TRIM37: variants seen among roughly 807,000 people sequenced by gnomAD.
TRIM37 encodes the protein tripartite motif containing 37, also known as E3 ubiquitin-protein ligase TRIM37.
A neutral mutation model predicts 129.8 loss-of-function variants in TRIM37; 80 were observed. The observed-to-expected ratio is 0.62, with a 90% CI of 0.51 to 0.74. The LOEUF (loss-of-function observed/expected upper bound fraction) is 0.74, where lower values mean the gene tolerates loss of function less well. TRIM37 is among the 30% of genes least tolerant of loss of function. The probability of loss-of-function intolerance (pLI) is 0.00; values close to 1 mark genes in which losing one functional copy is unlikely to be tolerated. For missense variants in TRIM37, 1,054 were observed against 1,176.5 expected, an observed-to-expected ratio of 0.90 and a Z score of 1.52; for synonymous variants, 389 against 387.1, an observed-to-expected ratio of 1.00 and a Z score of -0.06.
At chr17:58,988,826 A>G in intron 24 of TRIM37, among the ~76,000 whole-genome samples, 1 of 152,194 alleles carries the variant, frequency 6.6e-6, no homozygotes. Context: ...ACTAAGGATA[A>G]TCATAGCAAA....
chr17:58,970,439 A>G, the TRIM37 span, among the ~76,000 whole-genome samples: 1 of 152,178 alleles, frequency 6.6e-6, no homozygotes, highest in Non-Finnish European at 1.5e-5. Flanking sequence ...GAATAAAAGA[A>G]TTTTTAATTT....
chr17:59,064,283 T>G, intron 10 of TRIM37, 72 bp downstream of exon 10: 1 of 1,186,888 alleles, frequency 8.4e-7, no homozygotes, highest in Non-Finnish European at 1.2e-6. Context: ...ATTACTGTCT[T>G]ACCAAAGAAT....
chr17:59,047,258 T>C (rs1276063242), intron 16 of TRIM37, among the ~76,000 whole-genome samples: 2 of 152,240 alleles, frequency 1.3e-5, no homozygotes, highest in African/African-American at 4.8e-5. Flanking sequence ...GGCAAATTTT[T>C]AGAAGGTTAC....
At chr17:59,052,362 G>T (rs2040429747) in intron 13 of TRIM37, among the ~76,000 whole-genome samples, 2 of 152,136 alleles carry the variant, frequency 1.3e-5, no homozygotes, top group African/African-American at 4.8e-5. Context: ...GACTAATTTG[G>T]ACATCTACAT....
At chr17:58,979,334 C>A (rs2031226920), downstream of TRIM37, among the ~76,000 whole-genome samples, 1 of 152,188 alleles carries the variant, frequency 6.6e-6, no homozygotes, top group South Asian at 2.1e-4. Context: ...GGTTGGGAAT[C>A]AAGAAAACTG....
intron 16 of TRIM37, among the ~76,000 whole-genome samples, chr17:59,047,083 G>A (rs1231149102): frequency 6.6e-6 from 1 of 151,638 alleles, no homozygotes; most frequent in Non-Finnish European, 1.5e-5. Flanking sequence ...AATCCGGAAG[G>A]TGGAGCTTGC....
At chr17:59,058,687 G>A (rs985829215) in intron 12 of TRIM37, among the ~76,000 whole-genome samples, 4 of 151,848 alleles carry the variant, frequency 2.6e-5, no homozygotes, top group Non-Finnish European at 5.9e-5. Context: ...GCGAAACCCC[G>A]TCTCCATAAA....
chr17:58,999,484 A>T, intron 23 of TRIM37, 25 bp from the exon 24 acceptor site: 4 of 1,562,714 alleles, frequency 2.6e-6, no homozygotes, highest in Non-Finnish European at 2.6e-6. Context: ...TAAATAAAAA[A>T]TTTAAAATTT....
chr17:58,998,659 A>G lies in TRIM37; in HGVS notation c.*718T>C. 1.0e-6 allele frequency: 1 copy of G among 985,404 alleles called. No homozygotes were observed. The allele number at this position is 985,404 out of a possible 1,614,324, so 61.0% of individuals were successfully genotyped here. On this transcript the variant is annotated 3_prime_UTR_variant, in exon 24 of 24. Coordinates refer to ENST00000262294, the MANE Select transcript of TRIM37 (RefSeq NM_015294.6). ...AGTCGTATAGTAAGAGGCAGAAAAA[A>G]ATGAAAGAATTTTAAATAATCTTAC...
the TRIM37 span, among the ~76,000 whole-genome samples, chr17:58,970,277 G>T: frequency 1.3e-5 from 2 of 152,134 alleles, no homozygotes; most frequent in African/African-American, 4.8e-5. Context: ...CCTACATTGC[G>T]AAGGTTAATC....
Position 58,998,814 on chromosome 17 carries a change from G to C in TRIM37, c.*563C>G. ...AGTGTGCCTGTACTTGAACAAGTGA[G>C]AGAAGATACATACTCCAAAAAGGAG... On this transcript the variant is annotated 3_prime_UTR_variant, in exon 24 of 24. Coordinates refer to ENST00000262294, the MANE Select transcript of TRIM37 (RefSeq NM_015294.6). 1.0e-6 allele frequency: 1 copy of C among 989,458 alleles called. No homozygotes were observed. Among genetic ancestry groups the C allele is most frequent in the Non-Finnish European group, 1.2e-6 (1 of 832,302 alleles). 61.3% of individuals were successfully genotyped at this position (989,458 alleles called of 1,614,324 possible).
chr17:59,051,291 G>A lies in TRIM37; in HGVS notation c.1237C>T (p.Arg413Trp), dbSNP rs765167330. 3 of 1,613,640 alleles carry A rather than the reference G, an allele frequency of 1.9e-6. No homozygotes were observed. Among genetic ancestry groups the A allele is most frequent in the Non-Finnish European group, 1.7e-6 (2 of 1,179,818 alleles). The change falls in exon 14 of 24, where the codon CGG (arginine) becomes TGG (tryptophan). Residue 413 changes from arginine to tryptophan, a missense_variant. Around this residue, in one of 3 missense-constraint regions of TRIM37, gnomAD observed 752 missense variants for 870.8 expected, o/e 0.86. Coordinates refer to ENST00000262294, the MANE Select transcript of TRIM37 (RefSeq NM_015294.6). ...TGAGTAATGTACCAATGCTGGTCCC[G>A]GGATTTTTGAAAGAAAGTTGGTGAA... ...VRSPTFFQKS[R>W]DQHWYITQLE...
At chr17:59,047,167 A>G (rs918230188) in intron 16 of TRIM37, among the ~76,000 whole-genome samples, 39 of 151,986 alleles carry the variant, frequency 2.6e-4, no homozygotes, top group Non-Finnish European at 2.9e-5. Context: ...AAAAAGGAAA[A>G]AAAAAAAAGT....
At chr17:58,971,337 T>C in the TRIM37 span, among the ~76,000 whole-genome samples, 2 of 152,156 alleles carry the variant, frequency 1.3e-5, no homozygotes, top group Admixed American at 1.3e-4. Flanking sequence ...AGAGACCTTT[T>C]ACCACCCCTG....
intron 19 of TRIM37, among the ~76,000 whole-genome samples, chr17:59,025,554 G>C (rs572370934): frequency 3.9e-5 from 6 of 152,104 alleles, no homozygotes; most frequent in African/African-American, 1.4e-4. Context: ...GTATATGTGG[G>C]GGTTGGTTCC....
chr17:58,969,521 C>G, the TRIM37 span: 2 of 1,613,624 alleles, frequency 1.2e-6, no homozygotes, highest in African/African-American at 1.3e-5. Flanking sequence ...CATAACTGTT[C>G]TGTGTTTCTG....
chr17:59,085,738 A>T (rs2043691142), intron 4 of TRIM37, among the ~76,000 whole-genome samples: 1 of 152,222 alleles, frequency 6.6e-6, no homozygotes, highest in South Asian at 2.1e-4. Flanking sequence ...AAAGACATGA[A>T]CATCCATAGT....
At chr17:58,976,593 G>C in the TRIM37 span, among the ~76,000 whole-genome samples, 8 of 152,264 alleles carry the variant, frequency 5.3e-5, no homozygotes, top group African/African-American at 1.7e-4. Flanking sequence ...AGTTGACAGA[G>C]GCATGATATG....
At chr17:59,059,612 T>C (rs2041294363) in intron 12 of TRIM37, 2 of 152,328 alleles carry the variant, frequency 1.3e-5, no homozygotes, top group African/African-American at 4.8e-5. Context: ...ATTACAGGTA[T>C]GGGCCAGCCA....
Sources: gnomAD v4.1 joint callset for allele counts (sites outside exome capture counted in the v4.1 genomes callset) on GRCh38, gnomAD v4.1.1 for gene constraint, gnomAD v4.1.1 regional missense constraint, MANE v1.5 for transcripts, NCBI Gene and HGNC (gene_info 2026-07-23, HGNC 2026-07-21) for gene names.